The following CLEC5A variants were observed in gnomAD, a reference collection of about 807,000 sequenced individuals.
CLEC5A encodes the protein C-type lectin domain containing 5A.
In CLEC5A, 15 loss-of-function variants were observed where a neutral mutation model predicts 24.4. The observed-to-expected ratio is 0.62, with a 90% CI of 0.41 to 0.95. CLEC5A has a LOEUF of 0.95. Ranked by LOEUF, CLEC5A falls within the 40% of genes least tolerant of loss-of-function variation. The probability of loss-of-function intolerance (pLI) is 0.00; values close to 1 mark genes in which losing one functional copy is unlikely to be tolerated. For missense variants in CLEC5A, 211 were observed against 224.0 expected, an observed-to-expected ratio of 0.94 and a Z score of 0.37; for synonymous variants, 71 against 72.6, an observed-to-expected ratio of 0.98 and a Z score of 0.11.
rs1554441669 is a variant in CLEC5A at position 141,941,634 on chromosome 7, A to G, written c.208+2262T>C. On this transcript the variant is annotated intron_variant, in intron 4 of 6. Coordinates refer to ENST00000546910, the MANE Select transcript of CLEC5A (RefSeq NM_013252.3). ...CATCCAAATTGGAAAGGATGAAGTC[A>G]ATTTATCCTTGTTTTCAGATGATAT... 2.0e-5 allele frequency among the ~76,000 whole-genome samples: 3 copies of G among 152,166 alleles called. No homozygotes were observed. In the South Asian group the frequency reaches 6.2e-4, roughly 31 times the overall value.
In CLEC5A at chr7:141,930,046, C is replaced by A; in HGVS notation, c.*58G>T. The stretch of plus-strand genomic sequence containing the variant: ...GTAAGTAAAAGAATCATTGGCCAGA[C>A]GACCTGTATGGATTCAAAAAGAGTT... On this transcript the variant is annotated 3_prime_UTR_variant, in exon 7 of 7. Transcript: ENST00000546910. 2 of 1,345,492 alleles carry A rather than the reference C, an allele frequency of 1.5e-6. No individual in the cohort carries two copies. The highest frequency in any genetic ancestry group is 1.1e-6 in the Non-Finnish European group (1 of 948,588). 83.3% of individuals were successfully genotyped at this position (1,345,492 alleles called of 1,614,324 possible).
At chr7:141,946,353 A>G in intron 1 of CLEC5A, 41 bp from the exon 2 acceptor site, 1 of 1,532,674 alleles carries the variant, frequency 6.5e-7, no homozygotes, top group Non-Finnish European at 8.8e-7. Context: ...ATTCGGGTAC[A>G]AGGCTGCTTT....
intron 4 of CLEC5A, among the ~76,000 whole-genome samples, chr7:141,943,182 A>T (rs1364010782): frequency 6.6e-6 from 1 of 152,206 alleles, no homozygotes; most frequent in Non-Finnish European, 1.5e-5. Context: ...CTAAGTGTCC[A>T]TCAACAGATG....
chr7:141,930,058 A>T lies in CLEC5A; in HGVS notation c.*46T>A. 6.8e-7 allele frequency: 1 copy of T among 1,459,990 alleles called. No homozygotes were observed. Among genetic ancestry groups the T allele is most frequent in the Non-Finnish European group, 9.6e-7 (1 of 1,043,528 alleles). 90.4% of individuals were successfully genotyped at this position (1,459,990 alleles called of 1,614,324 possible). A position where few individuals can be genotyped will look rare whatever the true frequency, so the allele number is the denominator to read the frequency against. On this transcript the variant is annotated 3_prime_UTR_variant, in exon 7 of 7. Coordinates refer to ENST00000546910, the MANE Select transcript of CLEC5A (RefSeq NM_013252.3). ...ATCATTGGCCAGACGACCTGTATGGATTCAAAAAGAGTTGCAAGTATAGTT... is the reference window on the plus strand; with the variant it reads ...ATCATTGGCCAGACGACCTGTATGGTTTCAAAAAGAGTTGCAAGTATAGTT...
chr7:141,930,480 G>A (rs934315259), intron 6 of CLEC5A, among the ~76,000 whole-genome samples: 2 of 152,160 alleles, frequency 1.3e-5, no homozygotes, highest in East Asian at 1.9e-4. Flanking sequence ...GAGCGTGTAT[G>A]GATTCACAGT....
chr7:141,939,038 G>A (rs782782766), intron 4 of CLEC5A, among the ~76,000 whole-genome samples: 1 of 152,156 alleles, frequency 6.6e-6, no homozygotes, highest in Non-Finnish European at 1.5e-5. Flanking sequence ...TAATCTGAAA[G>A]TAAAGGACAT....
intron 4 of CLEC5A, 142 bp downstream of exon 4, chr7:141,943,754 A>T: frequency 1.5e-6 from 1 of 661,736 alleles, no homozygotes; most frequent in Non-Finnish European, 2.8e-6. Flanking sequence ...AATAATATGT[A>T]CAAAGAGAAT....
rs111981378 is a variant in CLEC5A at position 141,946,331 on chromosome 7, A to G, written c.-20-19T>C. ...CAGGGGCCTGTGAAGATTAGAGCAC[A>G]GCAGCATCAGAATTCGGGTACAAGG... On this transcript the variant is annotated intron_variant, in intron 1 of 6. Transcript: ENST00000546910. 8.2e-4 allele frequency: 1,269 copies of G among 1,549,556 alleles called. 10 individuals carry two copies. The African/African-American group carries it at 0.016, about 19-fold the overall frequency.
At chr7:141,936,903 T>C (rs988936895) in intron 4 of CLEC5A, among the ~76,000 whole-genome samples, 11 of 151,906 alleles carry the variant, frequency 7.2e-5, no homozygotes, top group Admixed American at 1.3e-4. Flanking sequence ...AGGTCCCCAT[T>C]CCAAACCCTA....
intron 4 of CLEC5A, among the ~76,000 whole-genome samples, chr7:141,939,966 T>C (rs138461534): frequency 3.0e-4 from 46 of 152,264 alleles, no homozygotes; most frequent in African/African-American, 1.0e-3. Context: ...AAGAAATAGA[T>C]AGTCTCCAAT....
At chr7:141,933,707 C>T (rs950725458) in intron 5 of CLEC5A, among the ~76,000 whole-genome samples, 21 of 151,384 alleles carry the variant, frequency 1.4e-4, no homozygotes, top group Admixed American at 1.2e-3. Context: ...ATGCTGTGCA[C>T]GCAACTTGGC....
chr7:141,928,638 G>A lies in CLEC5A; in HGVS notation c.*1466C>T, dbSNP rs1385770785. ...ATGTGTTATCTCATGTTAAAAAATT[G>A]TAAGTGGCCATGCTAAGGAGCCAAA... On this transcript the variant is annotated 3_prime_UTR_variant, in exon 7 of 7. Transcript: ENST00000546910. 1 of 152,154 alleles carries A rather than the reference G, an allele frequency of 6.6e-6. No homozygotes were observed. The highest frequency in any genetic ancestry group is 1.5e-5 in the Non-Finnish European group (1 of 68,026). 9.4% of individuals were successfully genotyped at this position (152,154 alleles called of 1,614,324 possible).
intron 4 of CLEC5A, among the ~76,000 whole-genome samples, chr7:141,943,215 A>T (rs1802851185): frequency 6.6e-6 from 1 of 152,222 alleles, no homozygotes; most frequent in Admixed American, 6.5e-5. Flanking sequence ...AGTGTGGTAC[A>T]TATACACAAT....
At chr7:141,938,724 G>C (rs1416028571) in intron 4 of CLEC5A, among the ~76,000 whole-genome samples, 1 of 152,154 alleles carries the variant, frequency 6.6e-6, no homozygotes, top group Non-Finnish European at 1.5e-5. Context: ...ATAATGAAAG[G>C]ATCCTAAAAG....
intron 6 of CLEC5A, among the ~76,000 whole-genome samples, chr7:141,930,842 G>T (rs1802437139): frequency 6.6e-6 from 1 of 152,188 alleles, no homozygotes; most frequent in Non-Finnish European, 1.5e-5. Context: ...AGCGATAAAA[G>T]CTTTTCATGT....
In CLEC5A at chr7:141,946,870, G is replaced by A. The variant is rs1428361283; in HGVS notation, c.-84C>T. ...GGGTCTTCCTGGTGGCCTAATGCTT[G>A]GTGTGGCAGGCAGGGGCCCCGTCTC... On this transcript the variant is annotated 5_prime_UTR_variant, in exon 1 of 7. Coordinates refer to ENST00000546910, the MANE Select transcript of CLEC5A (RefSeq NM_013252.3). 6.6e-6 allele frequency: 1 copy of A among 152,506 alleles called. No individual in the cohort carries two copies. Among genetic ancestry groups the A allele is most frequent in the Non-Finnish European group, 1.5e-5 (1 of 68,332 alleles). 9.4% of individuals were successfully genotyped at this position (152,506 alleles called of 1,614,324 possible).
rs1379255068 is a variant in CLEC5A at position 141,931,992 on chromosome 7, G to A, written c.346-166C>T. 9.6e-5 allele frequency: 46 copies of A among 478,936 alleles called. No individual in the cohort carries two copies. In the East Asian group the frequency reaches 1.1e-3, roughly 11 times the overall value. The allele number at this position is 478,936 out of a possible 1,614,324, so 29.7% of individuals were successfully genotyped here. ...CTAACCCTAAAGAAGTCATTGTCAA[G>A]ATTCAGAGGGAATTTGGAAAACCTG... is the stretch of plus-strand genomic sequence containing the variant. On this transcript the variant is annotated intron_variant, in intron 5 of 6. Coordinates refer to ENST00000546910, the MANE Select transcript of CLEC5A (RefSeq NM_013252.3).
At chr7:141,931,689 AT>A (rs1466076603) in intron 6 of CLEC5A, 30 bp downstream of exon 6, 1 of 1,216,424 alleles carries the variant, frequency 8.2e-7, no homozygotes, top group Admixed American at 1.7e-5. Context: ...GCAAACCAAG[AT>A]CCCCAGGAAA....
chr7:141,934,961 C>A (rs1175464190), intron 5 of CLEC5A, among the ~76,000 whole-genome samples: 1 of 152,152 alleles, frequency 6.6e-6, no homozygotes, highest in Admixed American at 6.5e-5. Flanking sequence ...TGCCTTCCCT[C>A]CTTTCCTCTT....
Sources: gnomAD v4.1 joint callset for allele counts (sites outside exome capture counted in the v4.1 genomes callset) on GRCh38, gnomAD v4.1.1 for gene constraint, MANE v1.5 for transcripts, NCBI Gene and HGNC (gene_info 2026-07-23, HGNC 2026-07-21) for gene names.